SLC22A23: variants seen among roughly 807,000 people sequenced by gnomAD.
The protein encoded by SLC22A23 is ion transporter protein.
A neutral mutation model predicts 61.0 loss-of-function variants in SLC22A23; 26 were observed. The observed-to-expected ratio is 0.43, with a 90% confidence interval of 0.31 to 0.59. The LOEUF (loss-of-function observed/expected upper bound fraction) is 0.59, where lower values mean the gene tolerates loss of function less well. Among genes scored for constraint, SLC22A23 ranks in the 20% least tolerant of loss-of-function variants. The probability of loss-of-function intolerance (pLI) is 0.11; values close to 1 mark genes in which losing one functional copy is unlikely to be tolerated. For synonymous variants in SLC22A23, 430 were observed against 413.9 expected, an observed-to-expected ratio of 1.04 and a Z score of -0.47; for missense variants, 796 against 934.7, an observed-to-expected ratio of 0.85 and a Z score of 1.94.
chr6:3,312,387 G>C (rs769244450), intron 4 of SLC22A23: 11 of 152,106 alleles, frequency 7.2e-5, no homozygotes, highest in Admixed American at 1.3e-4. Flanking sequence ...GGATTAATTT[G>C]GCAAATGACT....
At chr6:3,285,676 C>T (rs1306313472) in intron 7 of SLC22A23, among the ~76,000 whole-genome samples, 2 of 152,234 alleles carry the variant, frequency 1.3e-5, no homozygotes, top group African/African-American at 2.4e-5. Context: ...CGTGTGCAAT[C>T]CATTAGCTAA....
At chr6:3,376,970 G>C (rs9503569) in intron 3 of SLC22A23, among the ~76,000 whole-genome samples, 1 of 151,658 alleles carries the variant, frequency 6.6e-6, no homozygotes, top group Non-Finnish European at 1.5e-5. Flanking sequence ...CCACATGAAG[G>C]TGTCGGGGGA....
intron 4 of SLC22A23, among the ~76,000 whole-genome samples, chr6:3,320,610 C>T (rs145830521): frequency 4.9e-4 from 74 of 152,298 alleles, no homozygotes; most frequent in Admixed American, 2.6e-4. Context: ...CTCTCCACAG[C>T]GGGCCACTTC....
intron 1 of SLC22A23, among the ~76,000 whole-genome samples, chr6:3,443,437 T>C (rs1771720064): frequency 1.3e-5 from 2 of 152,150 alleles, no homozygotes; most frequent in African/African-American, 4.8e-5. Flanking sequence ...TCTAAGGCCA[T>C]GTTTAATTAT....
chr6:3,363,793 A>G (rs996710319), intron 3 of SLC22A23, among the ~76,000 whole-genome samples: 4 of 152,250 alleles, frequency 2.6e-5, no homozygotes, highest in Admixed American at 2.6e-4. Context: ...CTGCTCAGCC[A>G]TCTACTACAT....
chr6:3,426,643 G>T (rs1221961338), intron 1 of SLC22A23, among the ~76,000 whole-genome samples: 1 of 152,206 alleles, frequency 6.6e-6, no homozygotes, highest in African/African-American at 2.4e-5. Flanking sequence ...TCTTGAAGAT[G>T]ACATGATGCC....
rs779990589 is a variant in SLC22A23 at position 3,273,270 on chromosome 6, GGATGCAGAT to G, written c.1837_1845del (p.Ile613_Ile615del). 14 of 1,613,560 alleles carry G rather than the reference GGATGCAGAT, an allele frequency of 8.7e-6. No individual in the cohort carries two copies. The highest frequency in any genetic ancestry group is 1.1e-5 in the South Asian group (1 of 91,076). Reference sequence around the variant, plus strand: ...TGGTCCCTGCTCTCGGGCAGCAGGAGGATGCAGATGATGCAGATGAGCGTGCAGCAGGCA... The same window carrying G: ...TGGTCCCTGCTCTCGGGCAGCAGGAGGATGCAGATGAGCGTGCAGCAGGCA... On this transcript the variant is annotated inframe_deletion, in exon 10 of 10. Transcript: ENST00000406686.
intron 3 of SLC22A23, among the ~76,000 whole-genome samples, chr6:3,345,927 G>A (rs1021384572): frequency 2.0e-5 from 3 of 151,940 alleles, no homozygotes. Context: ...TTCTTATTTT[G>A]GTGTCTCCCG....
rs1215792584 is a variant in SLC22A23 at position 3,318,806 on chromosome 6, C to T, written c.1082+5028G>A. 6.6e-6 allele frequency among the ~76,000 whole-genome samples: 1 copy of T among 152,168 alleles called. No individual in the cohort carries two copies. Among genetic ancestry groups the T allele is most frequent in the African/African-American group, 2.4e-5 (1 of 41,420 alleles). On this transcript the variant is annotated intron_variant, in intron 4 of 9. Transcript: ENST00000406686. This position sits in a 1 kb window ranked among gnomAD's most constrained non-coding sequence, Gnocchi z 4.3. ...GGACAGGACTTCAGCCTCCAGCCCT[C>T]CTGAGCTTCCATGTTTCTTAAAGCT...
chr6:3,398,943 C>T (rs1768195570), intron 3 of SLC22A23, among the ~76,000 whole-genome samples: 1 of 152,100 alleles, frequency 6.6e-6, no homozygotes, highest in Non-Finnish European at 1.5e-5. Flanking sequence ...GCGGGAAGAT[C>T]CTTTGAGGCC....
intron 3 of SLC22A23, among the ~76,000 whole-genome samples, chr6:3,406,151 A>G (rs1768812072): frequency 6.6e-6 from 1 of 152,178 alleles, no homozygotes; most frequent in Admixed American, 6.5e-5. Context: ...GGGCAGTTAG[A>G]AGTGGAGAGG....
intron 3 of SLC22A23, among the ~76,000 whole-genome samples, chr6:3,354,351 A>T (rs1014648524): frequency 7.9e-5 from 12 of 152,214 alleles, no homozygotes; most frequent in African/African-American, 2.9e-4. Context: ...CCTTCTCTTG[A>T]CTTGTGTACC....
In SLC22A23 at chr6:3,283,969, C is replaced by G. The variant is rs778895519; in HGVS notation, c.1586G>C (p.Ser529Thr). 1.9e-6 allele frequency: 3 copies of G among 1,604,582 alleles called. No individual in the cohort carries two copies. Among genetic ancestry groups the G allele is most frequent in the Non-Finnish European group, 2.6e-6 (3 of 1,172,618 alleles). The change falls in exon 9 of 10, where the codon AGT (serine) becomes ACT (threonine). Residue 529 changes from serine to threonine, a missense_variant. By Grantham distance (58) the Ser-to-Thr change is moderately conservative. Transcript: ENST00000406686. ...GGAAAATTTGTCCTTGACGCTGTCACTCATCCCTGGGGGAAGGTCAGAAGA... is the reference window on the plus strand; with the variant it reads ...GGAAAATTTGTCCTTGACGCTGTCAGTCATCCCTGGGGGAAGGTCAGAAGA... ...KYSQHPDSGM[S>T]DSVKDKFSIA...
Position 3,414,063 on chromosome 6 carries a change from T to A in SLC22A23, c.758+1689A>T, listed in dbSNP as rs1003499414. The stretch of plus-strand genomic sequence containing the variant: ...GTGTGATCAGGGAGGCCACATCACA[T>A]GTGTGTACAAGAAGAAAGTTAAGAA... On this transcript the variant is annotated intron_variant, in intron 2 of 9. Transcript: ENST00000406686. This position sits in a 1 kb window ranked among gnomAD's most constrained non-coding sequence, Gnocchi z 5.1. Among the ~76,000 whole-genome samples the A allele has an allele frequency of 6.6e-6, 1 of 152,240 alleles. No individual in the cohort carries two copies. The highest frequency in any genetic ancestry group is 6.5e-5 in the Admixed American group (1 of 15,288).
chr6:3,276,103 T>C (rs1758874573), intron 9 of SLC22A23, among the ~76,000 whole-genome samples: 1 of 152,132 alleles, frequency 6.6e-6, no homozygotes, highest in Non-Finnish European at 1.5e-5. Flanking sequence ...AATGGAAGAA[T>C]GGTGATTGTG....
intron 2 of SLC22A23, among the ~76,000 whole-genome samples, chr6:3,413,060 C>T (rs1462758446): frequency 2.0e-5 from 3 of 152,150 alleles, no homozygotes; most frequent in Non-Finnish European, 2.9e-5. Context: ...GTAACAGCAG[C>T]CATAGAGAAC....
At chr6:3,366,310 G>A (rs1330250392) in intron 3 of SLC22A23, among the ~76,000 whole-genome samples, 1 of 121,390 alleles carries the variant, frequency 8.2e-6, no homozygotes, top group Non-Finnish European at 1.6e-5. Flanking sequence ...TCCAGCCTGG[G>A]TGACAGAGCA....
At position 3,273,478 on chromosome 6, in the gene SLC22A23, G is replaced by A. The variant is rs544661781; in HGVS notation, c.1704-66C>T. On this transcript the variant is annotated intron_variant, in intron 9 of 9. Transcript: ENST00000406686. ...AGCGGGCTGGATCCCGGGAAAGCTC[G>A]GGGTGGACCAGGAAGCCACCTCTGC... The A allele has an allele frequency of 3.8e-4, 590 of 1,569,058 alleles. 2 individuals are homozygous for A. Among genetic ancestry groups the A allele is most frequent in the Middle Eastern group, 3.7e-3 (18 of 4,818 alleles).
In SLC22A23 at chr6:3,280,512, T is replaced by TTTTTTTTTTTTTTCC. The variant is rs781526188; in HGVS notation, c.1703+3339_1703+3340insGGAAAAAAAAAAAAA. ...CAACTTTTTTTTTTTTTTTTTTTTT[T>TTTTTTTTTTTTTTCC]TGAGATGGAGTCTCGCTCTGTCGCC... On this transcript the variant is annotated intron_variant, in intron 9 of 9. Transcript: ENST00000406686. Among the ~76,000 whole-genome samples, 130 of 98,316 alleles carry TTTTTTTTTTTTTTCC rather than the reference T, an allele frequency of 1.3e-3. 8 individuals are homozygous for TTTTTTTTTTTTTTCC. Among genetic ancestry groups the TTTTTTTTTTTTTTCC allele is most frequent in the African/African-American group, 4.5e-3 (125 of 28,082 alleles). The allele number at this position is 98,316 out of a possible 152,430, so 64.5% of individuals were successfully genotyped here.
Sources: gnomAD v4.1 joint callset for allele counts (sites outside exome capture counted in the v4.1 genomes callset) on GRCh38, gnomAD v4.1.1 for gene constraint, Gnocchi (gnomAD v3.1) non-coding constraint, MANE v1.5 for transcripts, NCBI Gene and HGNC (gene_info 2026-07-23, HGNC 2026-07-21) for gene names.